GPHN: variants seen among roughly 807,000 people sequenced by gnomAD.
GPHN encodes the protein gephyrin.
GPHN carries 17 observed loss-of-function variants against 95.5 expected under a neutral mutation model. The ratio of observed to expected loss-of-function variants is 0.18; its 90% CI spans 0.12 to 0.27. The LOEUF is 0.27. GPHN is among the 10% of genes least tolerant of loss of function. GPHN has a pLI of 1.00. For missense variants in GPHN, 660 were observed against 978.1 expected, an observed-to-expected ratio of 0.67 and a Z score of 4.34; for synonymous variants, 320 against 322.5, an observed-to-expected ratio of 0.99 and a Z score of 0.08.
At chr14:67,518,631 T>C in the GPHN span, among the ~76,000 whole-genome samples, 1 of 152,252 alleles carries the variant, frequency 6.6e-6, no homozygotes, top group South Asian at 2.1e-4. Flanking sequence ...TAGACATATA[T>C]TCTGAAAGGC....
chr14:67,102,651 A>G (rs973682990), intron 13 of GPHN, among the ~76,000 whole-genome samples: 68 of 152,040 alleles, frequency 4.5e-4, no homozygotes, highest in Middle Eastern at 3.4e-3. Flanking sequence ...CAAGAGCAAA[A>G]CTCCGTCTCA....
chr14:66,994,932 A>G (rs554523247), intron 9 of GPHN, among the ~76,000 whole-genome samples: 3 of 152,330 alleles, frequency 2.0e-5, no homozygotes, highest in African/African-American at 7.2e-5. Context: ...AAGGGTTTGT[A>G]TATTCATTTA....
At chr14:66,882,066 T>C (rs1048072468) in intron 5 of GPHN, among the ~76,000 whole-genome samples, 6 of 151,996 alleles carry the variant, frequency 3.9e-5, no homozygotes, top group Middle Eastern at 6.8e-3. Context: ...TGGTTCTTCC[T>C]TTCTACAGCC....
At chr14:67,011,333 T>C (rs2072989387) in intron 9 of GPHN, among the ~76,000 whole-genome samples, 1 of 150,936 alleles carries the variant, frequency 6.6e-6, no homozygotes, top group African/African-American at 2.4e-5. Context: ...AACACTTTGG[T>C]AGGCCAAGGC....
chr14:67,207,959 G>A, the GPHN span, among the ~76,000 whole-genome samples: 73 of 152,222 alleles, frequency 4.8e-4, no homozygotes, highest in Admixed American at 5.9e-4. Flanking sequence ...GTGACAACAC[G>A]AGCTGGGGAA....
the GPHN span, among the ~76,000 whole-genome samples, chr14:67,676,370 G>T: frequency 2.8e-4 from 43 of 152,272 alleles, no homozygotes; most frequent in East Asian, 8.1e-3. Flanking sequence ...AGTATACTGT[G>T]TAAGTCCCAC....
the GPHN span, among the ~76,000 whole-genome samples, chr14:67,602,477 T>C: frequency 1.3e-5 from 2 of 152,178 alleles, no homozygotes; most frequent in East Asian, 3.8e-4. Context: ...AAAAGTGATA[T>C]TTGCTTATTG....
chr14:66,592,830 C>A (rs1311081956), intron 1 of GPHN, among the ~76,000 whole-genome samples: 1 of 152,180 alleles, frequency 6.6e-6, no homozygotes, highest in African/African-American at 2.4e-5. Flanking sequence ...AATCATTCTA[C>A]TATAAGGACA....
At chr14:67,250,989 T>C in the GPHN span, among the ~76,000 whole-genome samples, 3 of 152,208 alleles carry the variant, frequency 2.0e-5, no homozygotes, top group Non-Finnish European at 4.4e-5. Context: ...AACAACTACA[T>C]TTCAAGTTCT....
chr14:66,577,537 A>G (rs2060957027), intron 1 of GPHN, among the ~76,000 whole-genome samples: 1 of 152,138 alleles, frequency 6.6e-6, no homozygotes, highest in Admixed American at 6.5e-5. Context: ...GTAACTGAAG[A>G]CATTATTAAA....
At chr14:67,256,545 T>C in the GPHN span, among the ~76,000 whole-genome samples, 1 of 152,216 alleles carries the variant, frequency 6.6e-6, no homozygotes, top group Non-Finnish European at 1.5e-5. Flanking sequence ...TATCCTTTTT[T>C]CTTTTTTCTT....
chr14:67,386,121 G>A, the GPHN span: 1 of 152,628 alleles, frequency 6.6e-6, no homozygotes, highest in South Asian at 2.1e-4. Context: ...CAAACTAAAC[G>A]TAGTTTAATT....
At chr14:67,532,460 C>A in the GPHN span, among the ~76,000 whole-genome samples, 1 of 152,148 alleles carries the variant, frequency 6.6e-6, no homozygotes, top group African/African-American at 2.4e-5. Flanking sequence ...TTTCCAACCC[C>A]TCTGGGTATG....
chr14:66,989,789 G>T (rs1433808394), intron 9 of GPHN, among the ~76,000 whole-genome samples: 1 of 151,806 alleles, frequency 6.6e-6, no homozygotes, highest in Non-Finnish European at 1.5e-5. Flanking sequence ...TACTACCCAA[G>T]TATACCTTAA....
the GPHN span, among the ~76,000 whole-genome samples, chr14:67,673,961 G>A: frequency 6.6e-6 from 1 of 152,118 alleles, no homozygotes; most frequent in African/African-American, 2.4e-5. Flanking sequence ...GACTCCTTTG[G>A]GTTTTTAACC....
chr14:66,542,397 C>T (rs1196542146), intron 1 of GPHN, among the ~76,000 whole-genome samples: 1 of 152,156 alleles, frequency 6.6e-6, no homozygotes, highest in African/African-American at 2.4e-5. Context: ...ATTTTGGTTC[C>T]TACCTCACTG....
At chr14:67,424,244 AAAATAAAT>A in the GPHN span, among the ~76,000 whole-genome samples, 1 of 151,650 alleles carries the variant, frequency 6.6e-6, no homozygotes, top group Non-Finnish European at 1.5e-5. Flanking sequence ...CTCTGTCTCA[AAAATAAAT>A]AAATAAATAA....
chr14:66,995,476 CT>C (rs2071721121), intron 9 of GPHN, among the ~76,000 whole-genome samples: 1 of 152,160 alleles, frequency 6.6e-6, no homozygotes, highest in Non-Finnish European at 1.5e-5. Context: ...TCGCACAACT[CT>C]TTCTGATTGT....
At chr14:67,684,177 T>G in the GPHN span, among the ~76,000 whole-genome samples, 7 of 152,210 alleles carry the variant, frequency 4.6e-5, no homozygotes, top group Non-Finnish European at 1.0e-4. Flanking sequence ...CTGGGGCTCC[T>G]CCACAAGGCT....
Sources: allele counts gnomAD v4.1 joint callset (sites outside exome capture counted in the v4.1 genomes callset), GRCh38; gene constraint gnomAD v4.1.1; transcripts MANE v1.5; gene names NCBI Gene and HGNC (gene_info 2026-07-23, HGNC 2026-07-21).